The following TRIM37 variants were observed in gnomAD, a reference collection of about 807,000 sequenced individuals.
TRIM37 encodes E3 ubiquitin-protein ligase TRIM37.
Under a neutral mutation model 129.8 loss-of-function variants are expected in TRIM37, and 80 were observed. The observed-to-expected ratio is 0.62, with a 90% CI of 0.51 to 0.74. The LOEUF (loss-of-function observed/expected upper bound fraction) is 0.74, where lower values mean the gene tolerates loss of function less well. Ranked by LOEUF, TRIM37 falls within the 30% of genes least tolerant of loss-of-function variation. TRIM37 has a pLI of 0.00. For synonymous variants in TRIM37, 389 were observed against 387.1 expected, an observed-to-expected ratio of 1.00 and a Z score of -0.06; for missense variants, 1,054 against 1,176.5, an observed-to-expected ratio of 0.90 and a Z score of 1.52.
At chr17:59,085,624 C>G (rs552458056) in intron 4 of TRIM37, among the ~76,000 whole-genome samples, 1 of 152,224 alleles carries the variant, frequency 6.6e-6, no homozygotes, top group South Asian at 2.1e-4. Flanking sequence ...CTATGGAAAA[C>G]AGTATGGAGA....
chr17:59,019,703 G>A (rs35057477), intron 19 of TRIM37, among the ~76,000 whole-genome samples: 27,899 of 150,752 alleles, frequency 0.19, 2,751 homozygotes, highest in Non-Finnish European at 0.21. Flanking sequence ...GAGAGACTCC[G>A]TCTCAAAAAA....
intron 19 of TRIM37, among the ~76,000 whole-genome samples, chr17:59,020,748 G>T (rs1266524547): frequency 1.3e-5 from 2 of 152,260 alleles, no homozygotes; most frequent in African/African-American, 4.8e-5. Context: ...GATCATCAGA[G>T]AAATGCAAAT....
chr17:59,081,948 A>T (rs557292500), intron 5 of TRIM37, among the ~76,000 whole-genome samples: 24 of 123,344 alleles, frequency 1.9e-4, no homozygotes, highest in Non-Finnish European at 2.4e-4. Context: ...AAAAAAAAAA[A>T]AAAATAAAAA....
At chr17:59,074,059 T>C (rs1483108763) in intron 8 of TRIM37, among the ~76,000 whole-genome samples, 5 of 152,204 alleles carry the variant, frequency 3.3e-5, no homozygotes, top group African/African-American at 1.2e-4. Context: ...TACATAATAA[T>C]GTGTTATATT....
At chr17:59,052,162 C>T (rs1033157750) in intron 13 of TRIM37, among the ~76,000 whole-genome samples, 1 of 150,086 alleles carries the variant, frequency 6.7e-6, no homozygotes, top group Non-Finnish European at 1.5e-5. Context: ...TACATAAAAT[C>T]GTATTAATAT....
At chr17:59,013,460 T>C (rs2035551809) in intron 21 of TRIM37, among the ~76,000 whole-genome samples, 1 of 151,902 alleles carries the variant, frequency 6.6e-6, no homozygotes, top group Non-Finnish European at 1.5e-5. Context: ...GAGATATTAT[T>C]GAATGAGAAA....
downstream of TRIM37, among the ~76,000 whole-genome samples, chr17:58,993,246 C>G (rs992232051): frequency 4.6e-5 from 7 of 152,180 alleles, no homozygotes; most frequent in African/African-American, 1.7e-4. Context: ...AAACCTCTTT[C>G]TTTTGTAAAA....
At chr17:59,044,255 T>C (rs1189647106) in intron 16 of TRIM37, among the ~76,000 whole-genome samples, 4 of 152,068 alleles carry the variant, frequency 2.6e-5, no homozygotes, top group Non-Finnish European at 5.9e-5. Context: ...TGCAGTGAGC[T>C]GTGATCACGC....
intron 4 of TRIM37, chr17:59,088,039 A>G (rs939604228): frequency 4.2e-5 from 25 of 592,502 alleles, no homozygotes; most frequent in Non-Finnish European, 7.5e-5. Flanking sequence ...ATCATCTAGC[A>G]AAGTACTTTC....
chr17:58,977,915 G>C (rs1485523303), downstream of TRIM37, among the ~76,000 whole-genome samples: 1 of 152,104 alleles, frequency 6.6e-6, no homozygotes, highest in Non-Finnish European at 1.5e-5. Flanking sequence ...GCTAATTTTT[G>C]TATTTTTAGT....
chr17:59,070,632 T>G (rs2042281734), intron 9 of TRIM37, among the ~76,000 whole-genome samples, 191 bp downstream of exon 9: 1 of 151,746 alleles, frequency 6.6e-6, no homozygotes, highest in Non-Finnish European at 1.5e-5. Flanking sequence ...TCCCTAGTAA[T>G]TTGGGGGGTC....
chr17:59,090,032 C>T (rs1168495272), intron 3 of TRIM37: 1 of 151,696 alleles, frequency 6.6e-6, no homozygotes, highest in East Asian at 1.9e-4. Context: ...CCCAGGAGGT[C>T]GAGGCTGCAG....
At chr17:59,017,493 G>C in intron 19 of TRIM37, 69 bp from the exon 20 acceptor site, 1 of 1,609,344 alleles carries the variant, frequency 6.2e-7, no homozygotes, top group Non-Finnish European at 8.5e-7. Context: ...TAGTCTGTCA[G>C]AAAAAGTTTT....
At chr17:59,058,822 C>T (rs374494349) in intron 12 of TRIM37, among the ~76,000 whole-genome samples, 24 of 152,094 alleles carry the variant, frequency 1.6e-4, no homozygotes, top group East Asian at 1.5e-3. Flanking sequence ...CATAATTGTG[C>T]CACTGTGCTC....
intron 22 of TRIM37, among the ~76,000 whole-genome samples, chr17:59,011,951 G>A (rs901562940): frequency 2.6e-5 from 4 of 152,048 alleles, no homozygotes; most frequent in South Asian, 2.1e-4. Flanking sequence ...GCAAAAATTC[G>A]ATGCCTGGTA....
At chr17:58,969,861 T>C in the TRIM37 span, 3 of 821,688 alleles carry the variant, frequency 3.7e-6, no homozygotes, top group Non-Finnish European at 5.6e-6. Context: ...ACTCACAGTA[T>C]TGGATTCTGT....
intron 12 of TRIM37, among the ~76,000 whole-genome samples, chr17:59,058,402 G>C (rs2041168711): frequency 6.6e-6 from 1 of 152,202 alleles, no homozygotes; most frequent in South Asian, 2.1e-4. Flanking sequence ...GTGGGAAAAA[G>C]GAGAGGAGCA....
chr17:59,074,357 T>C (rs2042633032), intron 8 of TRIM37, among the ~76,000 whole-genome samples: 1 of 152,212 alleles, frequency 6.6e-6, no homozygotes, highest in African/African-American at 2.4e-5. Flanking sequence ...TCTGCGGATT[T>C]TGGTATCCAT....
At chr17:59,102,527 GTAGA>G (rs1298716509) in intron 2 of TRIM37, among the ~76,000 whole-genome samples, 2 of 152,134 alleles carry the variant, frequency 1.3e-5, no homozygotes, top group Admixed American at 6.6e-5. Context: ...TTACAAACAA[GTAGA>G]TATAGTATTT....
Sources: gnomAD v4.1 joint callset for allele counts (sites outside exome capture counted in the v4.1 genomes callset) on GRCh38, gnomAD v4.1.1 for gene constraint, MANE v1.5 for transcripts, NCBI Gene and HGNC (gene_info 2026-07-23, HGNC 2026-07-21) for gene names.